DLG2: variants seen among roughly 807,000 people sequenced by gnomAD.
DLG2 encodes the protein discs large MAGUK scaffold protein 2.
A neutral mutation model predicts 132.5 loss-of-function variants in DLG2; 45 were observed. The ratio of observed to expected loss-of-function variants is 0.34; its 90% CI spans 0.27 to 0.44. The LOEUF (loss-of-function observed/expected upper bound fraction) is 0.44. DLG2 is among the 20% of genes least tolerant of loss of function. DLG2 has a pLI of 1.00. For missense variants in DLG2, 1,045 were observed against 1,196.9 expected (o/e 0.87, Z 1.87); for synonymous variants, 424 against 419.6 (o/e 1.01, Z -0.13).
intron 14 of DLG2, among the ~76,000 whole-genome samples, chr11:83,958,000 T>G (rs186125763): frequency 1.3e-5 from 2 of 152,224 alleles, no homozygotes; most frequent in African/African-American, 4.8e-5. Flanking sequence ...TAGCACTAAC[T>G]GAACTTAATG....
At chr11:84,917,412 T>C (rs2092536103) in intron 6 of DLG2, among the ~76,000 whole-genome samples, 1 of 152,234 alleles carries the variant, frequency 6.6e-6, no homozygotes, top group African/African-American at 2.4e-5. Flanking sequence ...CATATCTATA[T>C]TATCTATTTA....
rs1426999273 is a variant in DLG2 at position 84,800,221 on chromosome 11, T to C, written c.358-265490A>G. ...GAAGAGAACACAGCTGACTCAGGCA[T>C]TGCTCTCCCTTTCTCTCCATTCTTT... On this transcript the variant is annotated intron_variant, in intron 6 of 27. Coordinates refer to ENST00000376104, the MANE Select transcript of DLG2 (RefSeq NM_001142699.3). Among the ~76,000 whole-genome samples the C allele has an allele frequency of 3.3e-5, 5 of 152,202 alleles. No homozygotes were observed. The East Asian group carries it at 9.6e-4, about 29-fold the overall frequency.
At position 83,471,626 on chromosome 11, in the gene DLG2, G is replaced by A; in HGVS notation, c.2446C>T (p.His816Tyr). The A allele has an allele frequency of 6.2e-7, 1 of 1,609,118 alleles. No homozygotes were observed. Among genetic ancestry groups the A allele is most frequent in the African/African-American group, 1.3e-5 (1 of 74,812 alleles). The change falls in exon 24 of 28, where the codon CAT (histidine) becomes TAT (tyrosine). Residue 816 changes from histidine (H) to tyrosine (Y), a missense_variant and splice_region_variant. His to Tyr is a moderately conservative substitution (Grantham distance 83, BLOSUM62 2). Coordinates refer to ENST00000376104, the MANE Select transcript of DLG2 (RefSeq NM_001142699.3). ...FPDKFGSCVP[H>Y]TTRPKRDYEV... ...TAGAGGAAAGAAAAATGACACTTAC[G>A]AGGCACACAGGAGCCAAATTTATCA...
At chr11:84,151,924 T>C (rs1030510459) in intron 9 of DLG2, among the ~76,000 whole-genome samples, 5 of 152,216 alleles carry the variant, frequency 3.3e-5, no homozygotes, top group Non-Finnish European at 7.4e-5. Flanking sequence ...GGTATGATTT[T>C]TATTTCTTTG....
chr11:84,153,838 A>G (rs10736760), intron 9 of DLG2, among the ~76,000 whole-genome samples: 120,803 of 152,082 alleles, frequency 0.79, 48,360 homozygotes, highest in Middle Eastern at 0.89. Flanking sequence ...AGCCATTACA[A>G]TCTCATTAGG....
chr11:84,805,427 G>T (rs1464541441), intron 6 of DLG2, among the ~76,000 whole-genome samples: 1 of 152,094 alleles, frequency 6.6e-6, no homozygotes, highest in Non-Finnish European at 1.5e-5. Context: ...ATATCGTTTA[G>T]ATCTGCGTCT....
At chr11:83,949,674 T>A (rs1032593540) in intron 14 of DLG2, among the ~76,000 whole-genome samples, 1 of 152,204 alleles carries the variant, frequency 6.6e-6, no homozygotes. Flanking sequence ...CCATGCTGTA[T>A]ATTAGATTTG....
chr11:85,398,430 G>A (rs191270963), intron 3 of DLG2, among the ~76,000 whole-genome samples: 2 of 152,052 alleles, frequency 1.3e-5, no homozygotes, highest in East Asian at 3.8e-4. Context: ...ACTAAGATCA[G>A]AGAAGAACTG....
intron 17 of DLG2, among the ~76,000 whole-genome samples, chr11:83,825,900 C>T (rs776863271): frequency 3.3e-5 from 5 of 152,056 alleles, no homozygotes; most frequent in African/African-American, 4.8e-5. Flanking sequence ...CAGGGTTATG[C>T]CAAGGTGTGA....
chr11:83,701,058 CTT>C (rs544319422), intron 18 of DLG2, among the ~76,000 whole-genome samples: 2 of 152,082 alleles, frequency 1.3e-5, no homozygotes, highest in Non-Finnish European at 2.9e-5. Context: ...GATGTCTAGG[CTT>C]TGTTAGATGC....
intron 6 of DLG2, among the ~76,000 whole-genome samples, chr11:84,580,401 A>C (rs1014901825): frequency 6.6e-6 from 1 of 152,196 alleles, no homozygotes; most frequent in African/African-American, 2.4e-5. Context: ...CTCAAACTAC[A>C]TTACCTCTTA....
At chr11:84,901,291 G>A (rs539733738) in intron 6 of DLG2, among the ~76,000 whole-genome samples, 1 of 152,104 alleles carries the variant, frequency 6.6e-6, no homozygotes, top group East Asian at 1.9e-4. Context: ...GGCTTCAGGA[G>A]GGTCACAGGC....
intron 19 of DLG2, among the ~76,000 whole-genome samples, chr11:83,552,888 C>G (rs2096426938): frequency 6.6e-6 from 1 of 152,218 alleles, no homozygotes; most frequent in Non-Finnish European, 1.5e-5. Context: ...ATGACTTTCT[C>G]TGGGAATCCT....
intron 4 of DLG2, among the ~76,000 whole-genome samples, chr11:85,206,943 T>C (rs1273901497): frequency 6.6e-6 from 1 of 152,184 alleles, no homozygotes; most frequent in African/African-American, 2.4e-5. Context: ...AACTTCAATT[T>C]CCTCTGGGCA....
intron 18 of DLG2, among the ~76,000 whole-genome samples, chr11:83,656,252 A>T (rs1209229926): frequency 6.6e-6 from 1 of 152,194 alleles, no homozygotes; most frequent in African/African-American, 2.4e-5. Flanking sequence ...AAAAAGTGTC[A>T]ATCTGCTTAA....
intron 8 of DLG2, among the ~76,000 whole-genome samples, chr11:84,210,199 C>T (rs2154308748): frequency 6.6e-6 from 1 of 152,036 alleles, no homozygotes; most frequent in African/African-American, 2.4e-5. Flanking sequence ...AGGAGAATTG[C>T]TTGAACCTGG....
At chr11:83,687,663 T>G (rs1371471494) in intron 18 of DLG2, among the ~76,000 whole-genome samples, 11 of 152,302 alleles carry the variant, frequency 7.2e-5, no homozygotes, top group African/African-American at 2.6e-4. Flanking sequence ...TGTCTTTCAT[T>G]TTATTGACAA....
chr11:84,093,755 C>T (rs574601172), intron 10 of DLG2, among the ~76,000 whole-genome samples: 124 of 152,072 alleles, frequency 8.2e-4, no homozygotes, highest in African/African-American at 2.6e-3. Context: ...GCTGGGATTA[C>T]AGGCGCCCAC....
intron 7 of DLG2, among the ~76,000 whole-genome samples, chr11:84,366,400 A>G (rs2098682674): frequency 6.6e-6 from 1 of 152,042 alleles, no homozygotes; most frequent in Non-Finnish European, 1.5e-5. Flanking sequence ...AAGAAACTGC[A>G]TCAACTAACG....
Sources: gnomAD v4.1 joint callset for allele counts (sites outside exome capture counted in the v4.1 genomes callset) on GRCh38, gnomAD v4.1.1 for gene constraint, MANE v1.5 for transcripts, NCBI Gene and HGNC (gene_info 2026-07-23, HGNC 2026-07-21) for gene names.